Variants in STK17A observed in about 807,000 individuals in gnomAD.
STK17A encodes the protein serine/threonine-protein kinase 17A.
In STK17A, 26 loss-of-function variants were observed where a neutral mutation model predicts 43.7. The observed-to-expected ratio is 0.60, with a 90% CI of 0.44 to 0.83. STK17A has a LOEUF of 0.83. Among genes scored for constraint, STK17A ranks in the 40% least tolerant of loss-of-function variants. The pLI is 0.00. For synonymous variants in STK17A, 191 were observed against 182.5 expected (o/e 1.05, Z -0.38); for missense variants, 476 against 511.6 (o/e 0.93, Z 0.67).
At chr7:43,622,703 TTG>T (rs2084035773) in intron 4 of STK17A, 1 of 53,342 alleles carries the variant, frequency 1.9e-5, no homozygotes, top group African/African-American at 8.9e-5. Flanking sequence ...TTTTTTGTTT[TTG>T]TTTTTTTTTT....
At chr7:43,618,649 A>G (rs1022934407) in intron 3 of STK17A, among the ~76,000 whole-genome samples, 15 of 152,218 alleles carry the variant, frequency 9.9e-5, no homozygotes, top group African/African-American at 3.6e-4. Context: ...AAATTTAATG[A>G]ATTTTACATT....
intron 1 of STK17A, among the ~76,000 whole-genome samples, chr7:43,594,873 C>G (rs1314118787): frequency 1.1e-5 from 1 of 94,620 alleles, no homozygotes; most frequent in Non-Finnish European, 2.5e-5. Context: ...GACCCAGTCT[C>G]TTAAAAAAAA....
rs2084512461 is a variant in STK17A at position 43,626,161 on chromosome 7, C to T, written c.*1319C>T. ...TGTACCGTGGCCATGCCTCGCTCTG[C>T]ACTATGAACAACTCAGACCTGTCCC... On this transcript the variant is annotated 3_prime_UTR_variant, in exon 7 of 7. Coordinates refer to ENST00000319357, the MANE Select transcript of STK17A (RefSeq NM_004760.3). 1 of 152,344 alleles carries T rather than the reference C, an allele frequency of 6.6e-6. No individual in the cohort carries two copies. The highest frequency in any genetic ancestry group is 2.4e-5 in the African/African-American group (1 of 41,572). 9.4% of individuals were successfully genotyped at this position (152,344 alleles called of 1,614,324 possible). A position where few individuals can be genotyped will look rare whatever the true frequency, so the allele number is the denominator to read the frequency against.
At chr7:43,607,629 C>T (rs1020669684) in intron 2 of STK17A, among the ~76,000 whole-genome samples, 2 of 115,920 alleles carry the variant, frequency 1.7e-5, no homozygotes, top group African/African-American at 6.9e-5. Context: ...GGCCTGGTGA[C>T]AGAGCAAGAC....
chr7:43,595,289 C>CTTTTTTTTTTTTTTTTTTTTTTT (rs1379359635), intron 1 of STK17A, among the ~76,000 whole-genome samples: 1 of 77,850 alleles, frequency 1.3e-5, no homozygotes. Flanking sequence ...TTTTTTTTTC[C>CTTTTTTTTTTTTTTTTTTTTTTT]CCCCTGGAGA....
chr7:43,617,948 G>T (rs1487043864), intron 3 of STK17A, among the ~76,000 whole-genome samples: 2 of 152,162 alleles, frequency 1.3e-5, no homozygotes, highest in African/African-American at 4.8e-5. Flanking sequence ...TATAAACAAG[G>T]AAGGAGTGGT....
intron 2 of STK17A, 150 bp downstream of exon 2, chr7:43,596,263 A>G: frequency 3.3e-6 from 2 of 607,472 alleles, no homozygotes; most frequent in East Asian, 6.2e-5. Context: ...TTATTAATAT[A>G]ACATGTTCCA....
chr7:43,586,580 C>T (rs902049111), intron 1 of STK17A, among the ~76,000 whole-genome samples: 2 of 151,276 alleles, frequency 1.3e-5, no homozygotes, highest in African/African-American at 4.8e-5. Context: ...AGAGAAATGA[C>T]CTTGGGTTCT....
intron 4 of STK17A, among the ~76,000 whole-genome samples, chr7:43,620,864 A>G (rs1241549520): frequency 6.6e-6 from 1 of 152,128 alleles, no homozygotes; most frequent in African/African-American, 2.4e-5. Context: ...ACCTGGGAGA[A>G]GAGGAGGGCG....
At chr7:43,600,935 A>G (rs141225829) in intron 2 of STK17A, among the ~76,000 whole-genome samples, 5 of 152,284 alleles carry the variant, frequency 3.3e-5, no homozygotes, top group African/African-American at 9.6e-5. Flanking sequence ...TTTTGCAAAG[A>G]TATGTTACCA....
chr7:43,610,571 G>C (rs377268358), intron 3 of STK17A, among the ~76,000 whole-genome samples: 1 of 151,918 alleles, frequency 6.6e-6, no homozygotes, highest in Non-Finnish European at 1.5e-5. Flanking sequence ...AGAGGCTGAG[G>C]GGGGAGAATC....
rs2082415308 is a variant in STK17A, at chr7:43,583,439, G to A, written c.196G>A (p.Glu66Lys). 1.5e-6 allele frequency: 2 copies of A among 1,359,254 alleles called. No homozygotes were observed. Among genetic ancestry groups the A allele is most frequent in the Non-Finnish European group, 1.9e-6 (2 of 1,057,958 alleles). 84.2% of individuals were successfully genotyped at this position (1,359,254 alleles called of 1,614,324 possible). ...CGGCTACAGCCTGTGCCCGGGCCGG[G>A]AGCTGGGCAGGTGAGGACGGGCGGG... The part of the protein sequence containing the change: ...QDGYSLCPGR[E>K]LGRGKFAVVR... The change falls in exon 1 of 7, where the codon GAG becomes AAG. Residue 66 changes from glutamate to lysine, a missense_variant. Glu to Lys is a moderately conservative substitution (Grantham distance 56). Transcript: ENST00000319357.
In STK17A at chr7:43,588,791, C is replaced by T. The variant is rs545506048; in HGVS notation, c.206+5342C>T. 2.6e-5 allele frequency among the ~76,000 whole-genome samples: 4 copies of T among 151,416 alleles called. No homozygotes were observed. The East Asian group carries it at 5.8e-4, about 22-fold the overall frequency. On this transcript the variant is annotated intron_variant, in intron 1 of 6. Transcript: ENST00000319357. Reference sequence around the variant, plus strand: ...AGGTTGTGGTGAGCAGAGATAGTGCCACTGTACTCCAGCCTAGGTGACAGA... The same window carrying T: ...AGGTTGTGGTGAGCAGAGATAGTGCTACTGTACTCCAGCCTAGGTGACAGA...
rs2084531397 is a variant in STK17A at position 43,626,283 on chromosome 7, A to G, written c.*1441A>G. ...AATGACAGCACCTAACCACTATTTT[A>G]AAGTATGTACAGTAAATACCCAAAT... On this transcript the variant is annotated 3_prime_UTR_variant, in exon 7 of 7. Transcript: ENST00000319357. 6.6e-6 allele frequency: 1 copy of G among 152,202 alleles called. No individual in the cohort carries two copies. Among genetic ancestry groups the G allele is most frequent in the African/African-American group, 2.4e-5 (1 of 41,450 alleles). The allele number at this position is 152,202 out of a possible 1,614,324, so 9.4% of individuals were successfully genotyped here.
At chr7:43,596,843 G>A (rs2082518963) in intron 2 of STK17A, among the ~76,000 whole-genome samples, 1 of 143,666 alleles carries the variant, frequency 7.0e-6, no homozygotes, top group South Asian at 2.2e-4. Flanking sequence ...ACTCTAACCT[G>A]GGCGACAAAG....
chr7:43,624,189 A>AT (rs1437847635), intron 6 of STK17A, among the ~76,000 whole-genome samples: 2 of 152,244 alleles, frequency 1.3e-5, no homozygotes, highest in African/African-American at 4.8e-5. Flanking sequence ...TCATGGCAGT[A>AT]AATAGCACTC....
intron 4 of STK17A, 81 bp downstream of exon 4, chr7:43,619,804 A>T (rs1320712210): frequency 2.7e-6 from 4 of 1,500,938 alleles, no homozygotes; most frequent in African/African-American, 2.8e-5. Context: ...CATGACTCAT[A>T]GTGGAGCCAG....
chr7:43,595,594 G>T (rs1238074582), intron 1 of STK17A, among the ~76,000 whole-genome samples: 1 of 151,994 alleles, frequency 6.6e-6, no homozygotes, highest in Non-Finnish European at 1.5e-5. Flanking sequence ...CTTTTTTAGA[G>T]ACCTAAATCA....
chr7:43,592,759 A>C (rs7799758), intron 1 of STK17A, among the ~76,000 whole-genome samples: 1 of 151,654 alleles, frequency 6.6e-6, no homozygotes, highest in African/African-American at 2.4e-5. Context: ...CCAGCTATTC[A>C]GGAGGCTGAG....
Sources: allele counts gnomAD v4.1 joint callset (sites outside exome capture counted in the v4.1 genomes callset), GRCh38; gene constraint gnomAD v4.1.1; transcripts MANE v1.5; gene names NCBI Gene and HGNC (gene_info 2026-07-23, HGNC 2026-07-21).